The following PLCE1 variants were observed in gnomAD, a reference collection of about 807,000 sequenced individuals.
PLCE1 encodes the protein phospholipase C epsilon 1.
A neutral mutation model predicts 242.8 loss-of-function variants in PLCE1; 119 were observed. The observed-to-expected ratio is 0.49, with a 90% CI of 0.42 to 0.57. PLCE1 has a LOEUF of 0.57. PLCE1 is among the 20% of genes least tolerant of loss of function. The probability of loss-of-function intolerance (pLI) is 0.00; values close to 1 mark genes in which losing one functional copy is unlikely to be tolerated. For synonymous variants in PLCE1, 945 were observed against 1,017.4 expected (o/e 0.93, Z 1.35); for missense variants, 2,441 against 2,788.8 (o/e 0.88, Z 2.81).
intron 2 of PLCE1, among the ~76,000 whole-genome samples, chr10:94,071,108 C>T (rs149687378): frequency 4.3e-4 from 66 of 152,246 alleles, no homozygotes; most frequent in African/African-American, 1.5e-3. Context: ...GTAAGTGCTG[C>T]GGCTGAGCCC....
At chr10:94,197,099 T>C (rs1229055892) in intron 4 of PLCE1, among the ~76,000 whole-genome samples, 1 of 152,208 alleles carries the variant, frequency 6.6e-6, no homozygotes, top group Non-Finnish European at 1.5e-5. Flanking sequence ...ATAAGTGGCC[T>C]TTTTTGTCTG....
intron 3 of PLCE1, chr10:94,139,608 A>T (rs2046891612): frequency 6.6e-6 from 1 of 152,112 alleles, no homozygotes; most frequent in South Asian, 2.1e-4. Flanking sequence ...ACTAAACATA[A>T]ATATCTTGGG....
chr10:94,267,013 T>C (rs530644307), intron 16 of PLCE1, among the ~76,000 whole-genome samples: 1 of 152,276 alleles, frequency 6.6e-6, no homozygotes, highest in African/African-American at 2.4e-5. Flanking sequence ...TTTCAGGTAA[T>C]GTACTACTCC....
intron 20 of PLCE1, chr10:94,283,458 T>C: frequency 3.2e-6 from 1 of 313,474 alleles, no homozygotes; most frequent in Non-Finnish European, 6.2e-6. Context: ...ACGGGGTATC[T>C]TCCATAATAT....
chr10:94,098,779 C>A (rs961215355), intron 2 of PLCE1, among the ~76,000 whole-genome samples: 2 of 152,216 alleles, frequency 1.3e-5, no homozygotes, highest in Admixed American at 6.5e-5. Context: ...TTACTTCTTA[C>A]GAATACAACA....
chr10:94,299,744 A>AATGGG (rs2052969872), intron 24 of PLCE1, among the ~76,000 whole-genome samples: 1 of 152,052 alleles, frequency 6.6e-6, no homozygotes. Context: ...TGCCAACAAC[A>AATGGG]CCCATTGGTG....
intron 7 of PLCE1, among the ~76,000 whole-genome samples, chr10:94,240,163 A>G (rs2050455443): frequency 6.6e-6 from 1 of 152,206 alleles, no homozygotes; most frequent in Non-Finnish European, 1.5e-5. Flanking sequence ...CCATTTTTAC[A>G]GAGAAGCTCT....
chr10:94,202,224 A>G (rs1034596039), intron 4 of PLCE1, among the ~76,000 whole-genome samples: 1 of 152,226 alleles, frequency 6.6e-6, no homozygotes, highest in Non-Finnish European at 1.5e-5. Flanking sequence ...TCCATCAGTC[A>G]AGACGTTTTA....
intron 2 of PLCE1, among the ~76,000 whole-genome samples, chr10:94,037,788 T>C (rs983375904): frequency 6.6e-6 from 1 of 152,176 alleles, no homozygotes; most frequent in Admixed American, 6.5e-5. Flanking sequence ...CGCATCTCTG[T>C]AGTTATACCA....
chr10:94,088,159 C>T (rs1354707816), intron 2 of PLCE1: 1 of 152,238 alleles, frequency 6.6e-6, no homozygotes, highest in African/African-American at 2.4e-5. Context: ...CTCTGAGCTT[C>T]ACCTTCTTCA....
chr10:94,276,564 A>G (rs2051962946), intron 19 of PLCE1, among the ~76,000 whole-genome samples: 1 of 152,210 alleles, frequency 6.6e-6, no homozygotes, highest in Admixed American at 6.5e-5. Flanking sequence ...AAATAATAAC[A>G]ATAATAATTC....
chr10:94,051,555 G>A (rs888109400), intron 2 of PLCE1, among the ~76,000 whole-genome samples: 3 of 152,068 alleles, frequency 2.0e-5, no homozygotes, highest in African/African-American at 4.8e-5. Flanking sequence ...AAAACTAGCC[G>A]GAAATTTCTG....
intron 3 of PLCE1, among the ~76,000 whole-genome samples, chr10:94,140,947 T>G (rs1366015819): frequency 6.6e-6 from 1 of 152,256 alleles, no homozygotes; most frequent in Non-Finnish European, 1.5e-5. Flanking sequence ...CACTGTGGCC[T>G]AGTGCTATGG....
intron 1 of PLCE1, among the ~76,000 whole-genome samples, chr10:94,000,413 G>C (rs74151944): frequency 0.017 from 2,652 of 152,304 alleles, 40 homozygotes; most frequent in African/African-American, 0.038. Context: ...AGGGGTAACA[G>C]TAGTACCTAT....
At chr10:94,248,956 C>T (rs1223777356) in intron 8 of PLCE1, among the ~76,000 whole-genome samples, 1 of 152,140 alleles carries the variant, frequency 6.6e-6, no homozygotes, top group Non-Finnish European at 1.5e-5. Flanking sequence ...AGACCACGAA[C>T]GGCAGGTGAA....
At chr10:94,267,137 TTA>T (rs1235963363) in intron 16 of PLCE1, among the ~76,000 whole-genome samples, 2 of 152,298 alleles carry the variant, frequency 1.3e-5, no homozygotes. Context: ...ATACAGATAC[TTA>T]TATATATTTC....
rs186522280 is a variant in PLCE1 at position 94,047,042 on chromosome 10, A to G, written c.1206+14790A>G. The stretch of plus-strand genomic sequence containing the variant: ...ATAAAAAACCTTTTAAAAAATAAAA[A>G]GCCAAATTTAGCAGTGGGTTTTGTA... On this transcript the variant is annotated intron_variant, in intron 2 of 32. Transcript: ENST00000371380. Among the ~76,000 whole-genome samples the G allele has an allele frequency of 6.6e-3, 999 of 152,318 alleles. 14 individuals carry two copies. The highest frequency in any genetic ancestry group is 0.023 in the African/African-American group (956 of 41,568).
intron 1 of PLCE1, among the ~76,000 whole-genome samples, chr10:93,995,918 A>G (rs1218421627): frequency 6.6e-6 from 1 of 152,264 alleles, no homozygotes; most frequent in Non-Finnish European, 1.5e-5. Flanking sequence ...TCTTAGTCAC[A>G]TTCTTCTCTG....
intron 2 of PLCE1, among the ~76,000 whole-genome samples, chr10:94,055,466 C>T (rs534465299): frequency 6.6e-6 from 1 of 152,166 alleles, no homozygotes; most frequent in African/African-American, 2.4e-5. Context: ...CAGGCACCCA[C>T]TATCACACCC....
Sources: allele counts gnomAD v4.1 joint callset (sites outside exome capture counted in the v4.1 genomes callset), GRCh38; gene constraint gnomAD v4.1.1; transcripts MANE v1.5; gene names NCBI Gene and HGNC (gene_info 2026-07-23, HGNC 2026-07-21).